GRIN3A: variants seen among roughly 807,000 people sequenced by gnomAD.
GRIN3A encodes glutamate receptor ionotropic, NMDA 3A.
GRIN3A carries 47 observed loss-of-function variants against 92.4 expected under a neutral mutation model. The ratio of observed to expected loss-of-function variants is 0.51; its 90% confidence interval spans 0.40 to 0.65. GRIN3A has a LOEUF of 0.65. GRIN3A is among the 30% of genes least tolerant of loss of function. The pLI is 0.00. For missense variants in GRIN3A, 1,324 were observed against 1,393.1 expected, an observed-to-expected ratio of 0.95 and a Z score of 0.79; for synonymous variants, 527 against 540.6, an observed-to-expected ratio of 0.97 and a Z score of 0.35.
At chr9:101,711,104 A>T (rs775875615) in intron 1 of GRIN3A, among the ~76,000 whole-genome samples, 52 of 152,300 alleles carry the variant, frequency 3.4e-4, no homozygotes, top group Non-Finnish European at 5.7e-4. Flanking sequence ...GTAAGATGAT[A>T]AGATCCCTAT....
intron 3 of GRIN3A, among the ~76,000 whole-genome samples, chr9:101,640,223 T>C (rs567268557): frequency 6.6e-6 from 1 of 152,340 alleles, no homozygotes; most frequent in South Asian, 2.1e-4. Context: ...TTATGACTAA[T>C]CTAGTGTTTG....
intron 3 of GRIN3A, among the ~76,000 whole-genome samples, chr9:101,655,184 C>T (rs1829069050): frequency 6.6e-6 from 1 of 151,862 alleles, no homozygotes; most frequent in Non-Finnish European, 1.5e-5. Context: ...TCATAAACCA[C>T]TCAAAGATTT....
chr9:101,710,854 T>G (rs920840695), intron 1 of GRIN3A, among the ~76,000 whole-genome samples: 1 of 152,228 alleles, frequency 6.6e-6, no homozygotes. Flanking sequence ...TTTGACTGTT[T>G]AGTTCAGATG....
chr9:101,733,211 A>G (rs1286699032), intron 1 of GRIN3A, among the ~76,000 whole-genome samples: 1 of 152,222 alleles, frequency 6.6e-6, no homozygotes, highest in Non-Finnish European at 1.5e-5. Context: ...TATATTCTTC[A>G]TGGATTAAGT....
At chr9:101,590,346 CTATTTATTTATTTAT>C (rs1828006061) in intron 6 of GRIN3A, among the ~76,000 whole-genome samples, 1 of 143,330 alleles carries the variant, frequency 7.0e-6, no homozygotes, top group South Asian at 2.2e-4. Flanking sequence ...TAATGACACT[CTATTTATTTATTTAT>C]TTATTTATTT....
intron 1 of GRIN3A, among the ~76,000 whole-genome samples, chr9:101,734,963 TATAGA>T (rs199583453): frequency 0.021 from 3,125 of 151,954 alleles, 110 homozygotes; most frequent in Non-Finnish European, 0.034. Context: ...TCCTTTTATA[TATAGA>T]AAGTTTTTAA....
chr9:101,723,029 G>T (rs1006609737), intron 1 of GRIN3A, among the ~76,000 whole-genome samples: 2 of 152,172 alleles, frequency 1.3e-5, no homozygotes, highest in Non-Finnish European at 1.5e-5. Flanking sequence ...AACTTGAATT[G>T]TATCTTCCTG....
intron 6 of GRIN3A, chr9:101,591,640 C>A (rs1828027827): frequency 6.6e-6 from 1 of 152,194 alleles, no homozygotes; most frequent in Non-Finnish European, 1.5e-5. Flanking sequence ...TTATTATCAT[C>A]ATCCCAAGAA....
At chr9:101,642,180 A>G (rs906992759) in intron 3 of GRIN3A, among the ~76,000 whole-genome samples, 7 of 152,202 alleles carry the variant, frequency 4.6e-5, no homozygotes, top group Admixed American at 2.0e-4. Flanking sequence ...CCATGCATAT[A>G]TGGTCAACTA....
rs188448986 is a variant in GRIN3A, at chr9:101,685,637, G to C, written c.1304+959C>G. On this transcript the variant is annotated intron_variant, in intron 2 of 8. Transcript: ENST00000361820. ...GATGTGTTGTTCTCTATTTTAAATG[G>C]ACATTTTCGTTCTAGTTTCTGAATC... Among the ~76,000 whole-genome samples, 292 of 151,746 alleles carry C rather than the reference G, an allele frequency of 1.9e-3. 8 individuals are homozygous for C. Among genetic ancestry groups the C allele is most frequent in the Non-Finnish European group, 8.1e-4 (55 of 67,914 alleles).
At chr9:101,689,568 A>T (rs1829586499) in intron 1 of GRIN3A, among the ~76,000 whole-genome samples, 1 of 152,162 alleles carries the variant, frequency 6.6e-6, no homozygotes, top group African/African-American at 2.4e-5. Context: ...TGTTGAAATT[A>T]ATCCTTACAC....
chr9:101,662,851 T>C (rs1457858175), intron 3 of GRIN3A, among the ~76,000 whole-genome samples: 2 of 151,916 alleles, frequency 1.3e-5, no homozygotes, highest in Non-Finnish European at 2.9e-5. Flanking sequence ...TGATCTATCA[T>C]GAACTTTTGT....
chr9:101,607,219 A>G (rs539465971), intron 6 of GRIN3A, among the ~76,000 whole-genome samples: 21 of 152,222 alleles, frequency 1.4e-4, no homozygotes, highest in African/African-American at 4.6e-4. Flanking sequence ...TGGGGCTACA[A>G]AGAGATGGAA....
At chr9:101,622,865 G>T (rs1033655674) in intron 5 of GRIN3A, among the ~76,000 whole-genome samples, 1 of 152,012 alleles carries the variant, frequency 6.6e-6, no homozygotes, top group Non-Finnish European at 1.5e-5. Flanking sequence ...TGTCAGATTT[G>T]CTAGAGTATT....
chr9:101,587,820 C>A (rs1220989605), intron 6 of GRIN3A, among the ~76,000 whole-genome samples: 3 of 152,158 alleles, frequency 2.0e-5, no homozygotes, highest in African/African-American at 7.2e-5. Context: ...AAGAAAAAGG[C>A]TGTGGTGCTT....
At chr9:101,573,553 C>T (rs773375064) in intron 8 of GRIN3A, 40 bp from the exon 9 acceptor site, 53 of 1,502,796 alleles carry the variant, frequency 3.5e-5, no homozygotes, top group Middle Eastern at 1.7e-4. Flanking sequence ...TTCCATTCTG[C>T]AGCTCTCAAG....
At chr9:101,661,263 G>A (rs1829168165) in intron 3 of GRIN3A, among the ~76,000 whole-genome samples, 1 of 151,640 alleles carries the variant, frequency 6.6e-6, no homozygotes, top group South Asian at 2.1e-4. Context: ...ATTCTTACTT[G>A]GGTTATTAAG....
intron 3 of GRIN3A, among the ~76,000 whole-genome samples, chr9:101,654,951 G>A (rs572797757): frequency 4.0e-5 from 6 of 151,864 alleles, no homozygotes; most frequent in African/African-American, 1.4e-4. Flanking sequence ...AAATACATAT[G>A]GTGACATATA....
At chr9:101,619,574 A>C (rs572408472) in intron 5 of GRIN3A, among the ~76,000 whole-genome samples, 3 of 152,244 alleles carry the variant, frequency 2.0e-5, no homozygotes, top group Non-Finnish European at 4.4e-5. Context: ...CCCATTATGC[A>C]GGTGAGGAAC....
Sources: gnomAD v4.1 joint callset for allele counts (sites outside exome capture counted in the v4.1 genomes callset) on GRCh38, gnomAD v4.1.1 for gene constraint, MANE v1.5 for transcripts, NCBI Gene and HGNC (gene_info 2026-07-23, HGNC 2026-07-21) for gene names.